Variants in GAB3 observed in about 807,000 individuals in gnomAD.
The protein encoded by GAB3 is GRB2 associated binding protein 3.
In GAB3, 12 loss-of-function variants were observed where a neutral mutation model predicts 40.4. The observed-to-expected ratio is 0.30, with a 90% CI of 0.19 to 0.48. The LOEUF (loss-of-function observed/expected upper bound fraction) is 0.48, where lower values mean the gene tolerates loss of function less well. Among genes scored for constraint, GAB3 ranks in the 20% least tolerant of loss-of-function variants. GAB3 has a pLI of 0.99. For missense variants in GAB3, 381 were observed against 461.9 expected, an observed-to-expected ratio of 0.82 and a Z score of 1.61; for synonymous variants, 154 against 176.7, an observed-to-expected ratio of 0.87 and a Z score of 1.02.
chrX:154,726,989 C>A (rs1403619624), intron 1 of GAB3, among the ~76,000 whole-genome samples: 1 of 112,146 alleles, frequency 8.9e-6, no homozygotes, highest in Admixed American at 9.4e-5. Flanking sequence ...ACTCTCAACT[C>A]CCCCCATAAA....
intron 6 of GAB3, among the ~76,000 whole-genome samples, chrX:154,697,493 G>T (rs1557251052): frequency 8.9e-6 from 1 of 111,971 alleles, no homozygotes; most frequent in African/African-American, 3.3e-5. Context: ...GGCACAGGAT[G>T]AATAAAGCAG....
rs202010747 is a variant in GAB3, at chrX:154,715,428, C to CAG, written c.376+596_376+597dup. On this transcript the variant is annotated intron_variant, in intron 2 of 9. Coordinates refer to ENST00000424127, the MANE Select transcript of GAB3 (RefSeq NM_001081573.3). ...TGCGTGTGTGCGTGTGTGCGTGTGGCAGAGAGAGAGAGAGAGAGAGAGAGA... is the reference window on the plus strand; with the variant it reads ...TGCGTGTGTGCGTGTGTGCGTGTGGCAGAGAGAGAGAGAGAGAGAGAGAGAGA... Among the ~76,000 whole-genome samples the CAG allele has an allele frequency of 6.9e-3, 711 of 102,508 alleles. 5 individuals carry two copies. Among genetic ancestry groups the CAG allele is most frequent in the African/African-American group, 0.012 (340 of 27,838 alleles). 89.0% of individuals were successfully genotyped at this position (102,508 alleles called of 115,157 possible).
intron 7 of GAB3, among the ~76,000 whole-genome samples, chrX:154,696,432 A>C (rs782638381): frequency 9.0e-6 from 1 of 110,945 alleles, no homozygotes; most frequent in South Asian, 3.8e-4. Context: ...CCTTCTCCTG[A>C]GTCAGAAGCA....
intron 1 of GAB3, among the ~76,000 whole-genome samples, chrX:154,728,902 C>G (rs1043795459): frequency 8.9e-6 from 1 of 112,284 alleles, no homozygotes. Flanking sequence ...TGTGATGGAA[C>G]AGTTCAGTAT....
At chrX:154,725,659 G>A (rs1222964114) in intron 1 of GAB3, among the ~76,000 whole-genome samples, 2 of 110,462 alleles carry the variant, frequency 1.8e-5, no homozygotes, top group Non-Finnish European at 3.8e-5. Flanking sequence ...GTTTCCCCAT[G>A]AGACTTTGGC....
chrX:154,712,243 ATGT>A lies in GAB3; in HGVS notation c.1052_1054del (p.Asn351del). The A allele has an allele frequency of 8.4e-7, 1 of 1,185,576 alleles. No individual in the cohort carries two copies. The highest frequency in any genetic ancestry group is 3.0e-5 in the East Asian group (1 of 33,451). Reference sequence around the variant, plus strand: ...CCAACACTTACCTTTCCAGGTTCTCATGTTGTCTAAACCAGAGAGGGAGATTCT... The same window carrying A: ...CCAACACTTACCTTTCCAGGTTCTCATGTCTAAACCAGAGAGGGAGATTCT... On this transcript the variant is annotated inframe_deletion, in exon 4 of 10. Transcript: ENST00000424127.
intron 1 of GAB3, among the ~76,000 whole-genome samples, chrX:154,719,372 C>A (rs1192471133): frequency 8.9e-6 from 1 of 111,953 alleles, no homozygotes; most frequent in African/African-American, 3.3e-5. Flanking sequence ...AAGGCAAAAC[C>A]AAGATGCTAT....
intron 1 of GAB3, 120 bp downstream of exon 1, chrX:154,750,834 T>C: frequency 2.9e-6 from 1 of 339,465 alleles, no homozygotes; most frequent in Non-Finnish European, 3.9e-6. Context: ...TCGCCCGCAG[T>C]CCCGGGCGCT....
chrX:154,676,013 A>G lies in GAB3; in HGVS notation c.*2165T>C, dbSNP rs953772616. ...TTAAATTTTTAAAATTCTGACCCCT[A>G]TCGCCTTCCATACCTTTAATGTAGA... On this transcript the variant is annotated 3_prime_UTR_variant, in exon 10 of 10. Transcript: ENST00000424127. 2.1e-4 allele frequency: 23 copies of G among 112,180 alleles called. No individual in the cohort carries two copies. The highest frequency in any genetic ancestry group is 6.6e-4 in the Admixed American group (7 of 10,618). The allele number at this position is 112,180 out of a possible 1,213,427, so 9.2% of individuals were successfully genotyped here. A position where few individuals can be genotyped will look rare whatever the true frequency, so the allele number is the denominator to read the frequency against.
At position 154,716,016 on chromosome X, in the gene GAB3, C is replaced by G. The variant is rs1557257533; in HGVS notation, c.376+10G>C. On this transcript the variant is annotated intron_variant, in intron 2 of 9. Coordinates refer to ENST00000424127, the MANE Select transcript of GAB3 (RefSeq NM_001081573.3). ...CCCTTAGCACATGGGAGCCCCAACT[C>G]CGCTCTTACCTGCACCATCCTCCAG... The G allele has an allele frequency of 8.3e-7, 1 of 1,200,330 alleles. No homozygotes were observed. Among genetic ancestry groups the G allele is most frequent in the Admixed American group, 2.2e-5 (1 of 45,703 alleles).
chrX:154,730,860 G>A (rs1443445740), intron 1 of GAB3, among the ~76,000 whole-genome samples: 1 of 112,198 alleles, frequency 8.9e-6, no homozygotes, highest in Non-Finnish European at 1.9e-5. Context: ...ACTTGTCCAA[G>A]GCGTGGAATA....
At chrX:154,732,754 C>A (rs1441930745) in intron 1 of GAB3, among the ~76,000 whole-genome samples, 4 of 111,147 alleles carry the variant, frequency 3.6e-5, no homozygotes, top group Non-Finnish European at 7.5e-5. Flanking sequence ...TCAGCTACAG[C>A]CCCAAATGAA....
chrX:154,690,774 G>T (rs1406508712), intron 8 of GAB3, among the ~76,000 whole-genome samples: 1 of 110,648 alleles, frequency 9.0e-6, no homozygotes, highest in Non-Finnish European at 1.9e-5. Flanking sequence ...AACAATAGGT[G>T]CTGGAGAGGA....
At chrX:154,723,960 T>G (rs782135630) in intron 1 of GAB3, among the ~76,000 whole-genome samples, 4 of 111,740 alleles carry the variant, frequency 3.6e-5, no homozygotes, top group African/African-American at 9.8e-5. Context: ...TAAATGTAAA[T>G]AGTAAACCCT....
At chrX:154,748,054 A>G (rs2071554895) in intron 1 of GAB3, among the ~76,000 whole-genome samples, 1 of 112,161 alleles carries the variant, frequency 8.9e-6, no homozygotes, top group African/African-American at 3.2e-5. Flanking sequence ...ATTCAATAAA[A>G]GTGAACTATT....
intron 1 of GAB3, among the ~76,000 whole-genome samples, chrX:154,744,696 T>C (rs1422060358): frequency 1.8e-5 from 2 of 112,322 alleles, no homozygotes; most frequent in South Asian, 3.6e-4. Context: ...CCTGGCCTAA[T>C]TAACATTTAT....
At chrX:154,751,288 G>A (rs782089338), upstream of GAB3, among the ~76,000 whole-genome samples, 2 of 90,877 alleles carry the variant, frequency 2.2e-5, no homozygotes, top group Non-Finnish European at 4.2e-5. Context: ...TGTGCCCGGG[G>A]GGGGGGTGTG....
At chrX:154,731,110 T>C (rs1219101885) in intron 1 of GAB3, among the ~76,000 whole-genome samples, 1 of 111,874 alleles carries the variant, frequency 8.9e-6, no homozygotes, top group African/African-American at 3.3e-5. Flanking sequence ...TCCTGGCCAG[T>C]TTCTCATTAT....
At chrX:154,738,615 G>A (rs781888144) in intron 1 of GAB3, among the ~76,000 whole-genome samples, 2 of 111,502 alleles carry the variant, frequency 1.8e-5, no homozygotes, top group South Asian at 3.8e-4. Context: ...CCTTCTCCTC[G>A]TCCCTACTCC....
Sources: allele counts gnomAD v4.1 joint callset (sites outside exome capture counted in the v4.1 genomes callset), GRCh38; gene constraint gnomAD v4.1.1; transcripts MANE v1.5; gene names NCBI Gene and HGNC (gene_info 2026-07-23, HGNC 2026-07-21).